Variants in PARP4 observed in about 807,000 individuals in gnomAD.
The protein encoded by PARP4 is protein mono-ADP-ribosyltransferase PARP4.
In PARP4, 120 loss-of-function variants were observed where a neutral mutation model predicts 187.7. The ratio of observed to expected loss-of-function variants is 0.64; its 90% CI spans 0.55 to 0.74. The LOEUF is 0.74. Among genes scored for constraint, PARP4 ranks in the 30% least tolerant of loss-of-function variants. The pLI is 0.00. For missense variants in PARP4, 1,836 were observed against 2,070.5 expected (o/e 0.89, Z 2.20); for synonymous variants, 654 against 740.9 (o/e 0.88, Z 1.90).
rs576895389 is a variant in PARP4, at chr13:24,443,373, C to T, written c.3447+277G>A. ...GGTGACGTCCACTACAGGCACTCAG[C>T]GAGTGTTCTCTGAGCCCTCCTCTGG... On this transcript the variant is annotated intron_variant, in intron 28 of 33. Coordinates refer to ENST00000381989, the MANE Select transcript of PARP4 (RefSeq NM_006437.4). 1.6e-4 allele frequency among the ~76,000 whole-genome samples: 24 copies of T among 152,154 alleles called. No individual in the cohort carries two copies. In the South Asian group the frequency reaches 3.5e-3, roughly 22 times the overall value.
intron 14 of PARP4, among the ~76,000 whole-genome samples, chr13:24,477,190 G>A (rs1873028751): frequency 1.3e-5 from 2 of 152,264 alleles, no homozygotes; most frequent in Admixed American, 6.5e-5. Context: ...AGATAAAAAA[G>A]GAAATGAGGC....
chr13:24,435,527 A>T lies in PARP4; in HGVS notation c.3667-53T>A. 4 of 1,506,666 alleles carry T rather than the reference A, an allele frequency of 2.7e-6. No individual in the cohort carries two copies. The South Asian group carries it at 5.4e-5, about 20-fold the overall frequency. 93.3% of individuals were successfully genotyped at this position (1,506,666 alleles called of 1,614,324 possible). On this transcript the variant is annotated intron_variant, in intron 30 of 33. Coordinates refer to ENST00000381989, the MANE Select transcript of PARP4 (RefSeq NM_006437.4). ...AAGGGGAAAACACAGAATAAAAAGA[A>T]CAATCAAGCAAACATTCTTCCTAGC...
At position 24,432,359 on chromosome 13, in the gene PARP4, T is replaced by TA. The variant is rs768213217; in HGVS notation, c.4747-884dup. Among the ~76,000 whole-genome samples, 73 of 152,086 alleles carry TA rather than the reference T, an allele frequency of 4.8e-4. 1 individual carries two copies. Among genetic ancestry groups the TA allele is most frequent in the Non-Finnish European group, 9.3e-4 (63 of 67,986 alleles). ...TATATGTCATGCATGATTCCCTCTTTAAAAAAAACCCACTTTATTGAAATA... is the reference window on the plus strand; with the variant it reads ...TATATGTCATGCATGATTCCCTCTTTAAAAAAAAACCCACTTTATTGAAATA... On this transcript the variant is annotated intron_variant, in intron 31 of 33. Coordinates refer to ENST00000381989, the MANE Select transcript of PARP4 (RefSeq NM_006437.4).
chr13:24,445,932 T>C lies in PARP4; in HGVS notation c.3366+749A>G, dbSNP rs546151900. 1.8e-4 allele frequency among the ~76,000 whole-genome samples: 27 copies of C among 152,280 alleles called. No homozygotes were observed. The South Asian group carries it at 4.6e-3, about 26-fold the overall frequency. On this transcript the variant is annotated intron_variant, in intron 27 of 33. Coordinates refer to ENST00000381989, the MANE Select transcript of PARP4 (RefSeq NM_006437.4). ...CCAGTGTCAGAATTGAATTAAATTG[T>C]AGGACATGCAACTGGTGTCAGAGAA...
At chr13:24,473,286 G>A (rs1224306840) in intron 15 of PARP4, among the ~76,000 whole-genome samples, 2 of 152,170 alleles carry the variant, frequency 1.3e-5, no homozygotes, top group East Asian at 1.9e-4. Context: ...AGGTTTGGGA[G>A]AACAGTAGAA....
At chr13:24,449,207 T>A (rs1871371858) in intron 25 of PARP4, among the ~76,000 whole-genome samples, 1 of 151,874 alleles carries the variant, frequency 6.6e-6, no homozygotes, top group African/African-American at 2.4e-5. Flanking sequence ...GCTAACACAG[T>A]GAAACCCCAT....
At chr13:24,458,681 A>C (rs1403854789) in intron 20 of PARP4, among the ~76,000 whole-genome samples, 5 of 152,212 alleles carry the variant, frequency 3.3e-5, no homozygotes, top group Admixed American at 3.3e-4. Flanking sequence ...ATTGTGAAAC[A>C]GGTCTTTTGG....
chr13:24,469,045 G>GTAA lies in PARP4; in HGVS notation c.2109_2111dup (p.Tyr704dup). On this transcript the variant is annotated inframe_insertion, in exon 17 of 34. Transcript: ENST00000381989. ...ATACCGGAGCATCCTGACTCATCAGGTAAGCGCCATGGCCCTGGGTCACGG... is the reference window on the plus strand; with the variant it reads ...ATACCGGAGCATCCTGACTCATCAGGTAATAAGCGCCATGGCCCTGGGTCACGG... 1 of 1,613,526 alleles carries GTAA rather than the reference G, an allele frequency of 6.2e-7. No individual in the cohort carries two copies. The highest frequency in any genetic ancestry group is 8.5e-7 in the Non-Finnish European group (1 of 1,179,466).
chr13:24,501,322 G>A (rs894595906), intron 3 of PARP4, among the ~76,000 whole-genome samples: 2 of 152,120 alleles, frequency 1.3e-5, no homozygotes, highest in African/African-American at 4.8e-5. Context: ...CAGTCATTAG[G>A]TTGTAGTAAT....
chr13:24,455,503 A>C (rs553144202), intron 21 of PARP4, among the ~76,000 whole-genome samples: 2 of 136,802 alleles, frequency 1.5e-5, no homozygotes, highest in Non-Finnish European at 3.2e-5. Context: ...ATATATATAT[A>C]TATCACACTA....
rs1305225719 is a variant in PARP4, at chr13:24,501,731, T to A, written c.236A>T (p.Lys79Ile). The change falls in exon 3 of 34, where the codon AAA (lysine) becomes ATA (isoleucine). Residue 79 changes from lysine to isoleucine, a missense_variant. Coordinates refer to ENST00000381989, the MANE Select transcript of PARP4 (RefSeq NM_006437.4). Reference sequence around the variant, plus strand: ...CAAGAGTCTCTTTTCCCTGATAGATTTCCATATAAAATCTGGGTTTGCAAT... The same window carrying A: ...CAAGAGTCTCTTTTCCCTGATAGATATCCATATAAAATCTGGGTTTGCAAT... The part of the protein sequence containing the change: ...VHIANPDFIW[K>I]SIREKRLLDV... 1 of 1,612,070 alleles carries A rather than the reference T, an allele frequency of 6.2e-7. No homozygotes were observed.
At chr13:24,436,460 T>C (rs1291051106) in intron 30 of PARP4, among the ~76,000 whole-genome samples, 2 of 152,128 alleles carry the variant, frequency 1.3e-5, no homozygotes, top group African/African-American at 4.8e-5. Flanking sequence ...TGTGACACCA[T>C]ACCCAGCTAA....
At chr13:24,487,066 C>T (rs1192736677) in intron 10 of PARP4, among the ~76,000 whole-genome samples, 1 of 150,480 alleles carries the variant, frequency 6.6e-6, no homozygotes, top group Admixed American at 6.6e-5. Flanking sequence ...TCAAGACCAT[C>T]CTAGCCAACA....
intron 8 of PARP4, among the ~76,000 whole-genome samples, chr13:24,493,331 G>C (rs1377269174): frequency 2.0e-5 from 3 of 152,164 alleles, no homozygotes; most frequent in Non-Finnish European, 4.4e-5. Context: ...AGAGGATCAG[G>C]CCTCCTAATT....
At position 24,456,522 on chromosome 13, in the gene PARP4, C is replaced by T. The variant is rs367919430; in HGVS notation, c.2425-44G>A. 7 of 1,567,100 alleles carry T rather than the reference C, an allele frequency of 4.5e-6. No homozygotes were observed. In the South Asian group the frequency reaches 4.7e-5, roughly 10 times the overall value. ...GACAACAAGGTGAGTAATGGAGTAA[C>T]ACCATATTAGCAGTCTGCACTTACC... On this transcript the variant is annotated intron_variant, in intron 20 of 33. Coordinates refer to ENST00000381989, the MANE Select transcript of PARP4 (RefSeq NM_006437.4).
Position 24,451,189 on chromosome 13 carries a change from C to T in PARP4, c.3014+1217G>A, listed in dbSNP as rs528032971. On this transcript the variant is annotated intron_variant, in intron 24 of 33. Transcript: ENST00000381989. ...TACCTCTGCCCTGTGGTGTCTGAGC[C>T]CTGACCTGGGAGCAGGGGGCAGGGA... is the stretch of plus-strand genomic sequence containing the variant. Among the ~76,000 whole-genome samples, 5 of 152,308 alleles carry T rather than the reference C, an allele frequency of 3.3e-5. No individual in the cohort carries two copies. In the South Asian group the frequency reaches 1.0e-3, roughly 32 times the overall value.
chr13:24,462,351 A>T (rs1872251117), intron 17 of PARP4, among the ~76,000 whole-genome samples: 5 of 152,194 alleles, frequency 3.3e-5, no homozygotes. Flanking sequence ...TGAGACGGAG[A>T]GTAATAATAA....
chr13:24,486,618 C>T (rs1040345958), intron 10 of PARP4, among the ~76,000 whole-genome samples: 2 of 152,096 alleles, frequency 1.3e-5, no homozygotes, highest in Non-Finnish European at 2.9e-5. Flanking sequence ...TTGCTCTGGG[C>T]AACAGAGCAA....
intron 30 of PARP4, 66 bp downstream of exon 30, chr13:24,441,780 G>C: frequency 1.4e-6 from 2 of 1,463,168 alleles, no homozygotes; most frequent in South Asian, 1.3e-5. Context: ...TTTTAGCAAA[G>C]GGTTCCCTTC....
Sources: allele counts gnomAD v4.1 joint callset (sites outside exome capture counted in the v4.1 genomes callset), GRCh38; gene constraint gnomAD v4.1.1; transcripts MANE v1.5; gene names NCBI Gene and HGNC (gene_info 2026-07-23, HGNC 2026-07-21).